DENND5A: variants seen among roughly 807,000 people sequenced by gnomAD.
DENND5A encodes DENN domain-containing protein 5A.
DENND5A carries 64 observed loss-of-function variants against 140.3 expected under a neutral mutation model. That is an observed-to-expected ratio of 0.46 (90% confidence interval 0.37 to 0.56). The LOEUF is 0.56. Ranked by LOEUF, DENND5A falls within the 20% of genes least tolerant of loss-of-function variation. The pLI is 0.00. For synonymous variants in DENND5A, 605 were observed against 607.7 expected (o/e 1.00, Z 0.07); for missense variants, 1,292 against 1,593.8 (o/e 0.81, Z 3.22).
In DENND5A at chr11:9,197,061, T is replaced by C. The variant is rs909219314; in HGVS notation, c.950-3380A>G. On this transcript the variant is annotated intron_variant, in intron 4 of 22. Transcript: ENST00000328194. Reference sequence around the variant, plus strand: ...GGCTCATGCCTGTAATCCTAGCACCTTGGCAGGCCAAGGTAGGCGGATCGC... The same window carrying C: ...GGCTCATGCCTGTAATCCTAGCACCCTGGCAGGCCAAGGTAGGCGGATCGC... Among the ~76,000 whole-genome samples the C allele has an allele frequency of 2.0e-5, 3 of 151,622 alleles. No individual in the cohort carries two copies. The East Asian group carries it at 5.9e-4, about 30-fold the overall frequency.
intron 5 of DENND5A, among the ~76,000 whole-genome samples, chr11:9,183,914 C>T (rs556518655): frequency 2.6e-5 from 4 of 151,250 alleles, no homozygotes; most frequent in Non-Finnish European, 4.4e-5. Context: ...GGCCGGGCGC[C>T]GTGGCTCACC....
At chr11:9,144,576 C>T (rs1408922013) in intron 18 of DENND5A, among the ~76,000 whole-genome samples, 12 of 151,978 alleles carry the variant, frequency 7.9e-5, no homozygotes, top group South Asian at 6.2e-4. Context: ...GGATCACCTG[C>T]GGTCAGGAGT....
chr11:9,144,903 G>A (rs1847373599), intron 18 of DENND5A, 92 bp downstream of exon 18: 4 of 887,210 alleles, frequency 4.5e-6, no homozygotes, highest in African/African-American at 1.6e-5. Context: ...ACAACCTAAA[G>A]GGTCTCCTTG....
chr11:9,181,615 A>G (rs577211208), intron 5 of DENND5A, among the ~76,000 whole-genome samples: 4 of 152,146 alleles, frequency 2.6e-5, no homozygotes, highest in East Asian at 3.9e-4. Flanking sequence ...GCATGCACCT[A>G]CAGTCCCAGC....
chr11:9,149,892 AAT>A, intron 15 of DENND5A, among the ~76,000 whole-genome samples, 187 bp downstream of exon 15: 1 of 152,336 alleles, frequency 6.6e-6, no homozygotes, highest in African/African-American at 2.4e-5. Flanking sequence ...AGGGAGAACC[AAT>A]ATAGCGGAAG....
intron 1 of DENND5A, among the ~76,000 whole-genome samples, chr11:9,214,726 TTTG>T (rs144716062): frequency 0.019 from 2,875 of 152,158 alleles, 72 homozygotes; most frequent in Admixed American, 0.059. Flanking sequence ...ACTTTTTTGT[TTTG>T]TTTTGTTTTT....
In DENND5A at chr11:9,234,956, G is replaced by T. The variant is rs1427511887; in HGVS notation, c.110-27324C>A. Among the ~76,000 whole-genome samples the T allele has an allele frequency of 2.6e-5, 4 of 152,154 alleles. 1 individual carries two copies. The highest frequency in any genetic ancestry group is 2.6e-4 in the Admixed American group (4 of 15,266). On this transcript the variant is annotated intron_variant, in intron 1 of 22. Transcript: ENST00000328194. ...TCCATACCTCTATATTTCTGTGTGT[G>T]TGTCTTTTACTCCTCTAGCGCCGCT...
At chr11:9,168,543 A>G (rs1330395934) in intron 10 of DENND5A, among the ~76,000 whole-genome samples, 1 of 152,196 alleles carries the variant, frequency 6.6e-6, no homozygotes, top group East Asian at 1.9e-4. Context: ...TGGTCAATAA[A>G]CACTGCTGAA....
chr11:9,178,470 T>TA, intron 7 of DENND5A, 104 bp from the exon 8 acceptor site: 2 of 701,486 alleles, frequency 2.9e-6, no homozygotes, highest in Non-Finnish European at 4.8e-6. Flanking sequence ...CCTAGGTCTT[T>TA]AAGAATACCA....
intron 15 of DENND5A, among the ~76,000 whole-genome samples, chr11:9,147,521 T>C (rs1847471818): frequency 6.6e-6 from 1 of 152,200 alleles, no homozygotes; most frequent in South Asian, 2.1e-4. Flanking sequence ...GTATGGTGTG[T>C]GAGTGGCAGT....
chr11:9,252,366 C>T (rs899606453), intron 1 of DENND5A, among the ~76,000 whole-genome samples: 2 of 137,816 alleles, frequency 1.5e-5, no homozygotes, highest in Non-Finnish European at 1.6e-5. Flanking sequence ...TTACTGAATT[C>T]GGCCAGGTGC....
At chr11:9,207,170 T>A in intron 2 of DENND5A, 1 of 459,740 alleles carries the variant, frequency 2.2e-6, no homozygotes, top group Non-Finnish European at 4.0e-6. Flanking sequence ...AAGCATATTT[T>A]ACCTAAAATT....
intron 5 of DENND5A, among the ~76,000 whole-genome samples, chr11:9,185,315 A>G (rs1848872851): frequency 6.6e-6 from 1 of 152,076 alleles, no homozygotes; most frequent in Non-Finnish European, 1.5e-5. Context: ...TTTTTTTTCC[A>G]CAAGATTTAA....
intron 5 of DENND5A, among the ~76,000 whole-genome samples, chr11:9,188,811 T>C (rs532056323): frequency 6.6e-6 from 1 of 152,192 alleles, no homozygotes; most frequent in East Asian, 1.9e-4. Flanking sequence ...AGACATTCAG[T>C]TTTAAAAGGG....
intron 15 of DENND5A, among the ~76,000 whole-genome samples, chr11:9,149,179 G>T (rs1479405135): frequency 6.6e-6 from 1 of 152,190 alleles, no homozygotes; most frequent in Non-Finnish European, 1.5e-5. Flanking sequence ...CAGCCCCCAT[G>T]AATATACAAC....
In DENND5A at chr11:9,178,237, G is replaced by A. The variant is rs1438034828; in HGVS notation, c.1801C>T (p.Leu601Phe). Residue 601 changes from leucine (L) to phenylalanine (F), a missense_variant, in exon 8 of 23, where the codon CTC becomes TTC. Leu to Phe is a conservative substitution (Grantham distance 22). Coordinates refer to ENST00000328194, the MANE Select transcript of DENND5A (RefSeq NM_015213.4). ...CHDDDDKDPV[L>F]RVFDSRVDKI... ...TCAACTCGGGAATCAAATACCCGGA[G>A]TACAGGGTCTTTATCATCATCATCA... 6.2e-7 allele frequency: 1 copy of A among 1,613,060 alleles called. No homozygotes were observed. Among genetic ancestry groups the A allele is most frequent in the Admixed American group, 1.7e-5 (1 of 60,012 alleles).
At chr11:9,207,203 T>C (rs1015658891) in intron 2 of DENND5A, 2 of 471,202 alleles carry the variant, frequency 4.2e-6, no homozygotes, top group Non-Finnish European at 7.9e-6. Context: ...TGCATTTCAA[T>C]GATCTCTGGG....
chr11:9,171,733 T>C (rs1448565633), intron 8 of DENND5A: 3 of 150,016 alleles, frequency 2.0e-5, no homozygotes, highest in East Asian at 1.9e-4. Flanking sequence ...CATGGTGGCA[T>C]ACACCTTTAT....
intron 1 of DENND5A, among the ~76,000 whole-genome samples, chr11:9,251,418 G>A (rs1851714581): frequency 6.6e-6 from 1 of 152,148 alleles, no homozygotes; most frequent in South Asian, 2.1e-4. Context: ...GAGATTCCAT[G>A]TACGACAACA....
Sources: allele counts gnomAD v4.1 joint callset (sites outside exome capture counted in the v4.1 genomes callset), GRCh38; gene constraint gnomAD v4.1.1; transcripts MANE v1.5; gene names NCBI Gene and HGNC (gene_info 2026-07-23, HGNC 2026-07-21).